Variants in MTERF2 observed in about 807,000 individuals in gnomAD.
MTERF2 encodes the protein transcription termination factor 2, mitochondrial.
Under a neutral mutation model 29.2 loss-of-function variants are expected in MTERF2, and 23 were observed. The ratio of observed to expected loss-of-function variants is 0.79; its 90% confidence interval spans 0.57 to 1.12. The LOEUF is 1.12. Ranked by LOEUF, MTERF2 falls within the 50% of genes most tolerant of loss-of-function variation. The probability of loss-of-function intolerance (pLI) is 0.00; values close to 1 mark genes in which losing one functional copy is unlikely to be tolerated. For missense variants in MTERF2, 440 were observed against 429.4 expected, an observed-to-expected ratio of 1.02 and a Z score of -0.22; for synonymous variants, 157 against 159.5, an observed-to-expected ratio of 0.98 and a Z score of 0.12.
chr12:106,978,082 T>G lies in MTERF2; in HGVS notation c.633A>C (p.Lys211Asn). The G allele has an allele frequency of 6.8e-6, 11 of 1,613,970 alleles. No individual in the cohort carries two copies. The highest frequency in any genetic ancestry group is 9.3e-6 in the Non-Finnish European group (11 of 1,179,978). ...SEANMKVWLL[K>N]LLSQNPFILL... ...AAATAAATGGGTTTTGGCTTAACAA[T>G]TTTAGTAGCCAAACTTTCATGTTGG... Residue 211 changes from lysine (K) to asparagine (N), a missense_variant, in exon 3 of 3, where the codon AAA (lysine) becomes AAC (asparagine). Coordinates refer to ENST00000240050, the MANE Select transcript of MTERF2 (RefSeq NM_001033050.3).
In MTERF2 at chr12:106,978,749, G is replaced by A. The variant is rs1265239556; in HGVS notation, c.-35C>T. 1 of 1,556,786 alleles carries A rather than the reference G, an allele frequency of 6.4e-7. No homozygotes were observed. Among genetic ancestry groups the A allele is most frequent in the South Asian group, 1.2e-5 (1 of 83,306 alleles). ...CTACTAGCTAGTTTCCACCGTCCTG[G>A]GACTTAAATGGACTCATTCTATCTG... On this transcript the variant is annotated 5_prime_UTR_variant, in exon 3 of 3. Coordinates refer to ENST00000240050, the MANE Select transcript of MTERF2 (RefSeq NM_001033050.3).
chr12:106,983,997 A>G (rs1952081527), intron 2 of MTERF2, among the ~76,000 whole-genome samples: 1 of 152,016 alleles, frequency 6.6e-6, no homozygotes, highest in Admixed American at 6.6e-5. Flanking sequence ...TTCACTCACA[A>G]CCAGTGCCCT....
At position 106,982,019 on chromosome 12, in the gene MTERF2, T is replaced by C. The variant is rs184859762; in HGVS notation, c.-58+3096A>G. ...TGACCTGAACACATCACAGTTCAGC[T>C]TGGAGTAAGCAGGAAATGCAGACAG... On this transcript the variant is annotated intron_variant, in intron 2 of 2. Coordinates refer to ENST00000240050, the MANE Select transcript of MTERF2 (RefSeq NM_001033050.3). Among the ~76,000 whole-genome samples the C allele has an allele frequency of 1.9e-4, 29 of 152,324 alleles. No homozygotes were observed. The East Asian group carries it at 4.2e-3, about 22-fold the overall frequency.
rs139694986 is a variant in MTERF2, at chr12:106,978,645, G to C, written c.70C>G (p.Pro24Ala). Residue 24 changes from proline to alanine, a missense_variant, in exon 3 of 3, where the codon CCA becomes GCA. Coordinates refer to ENST00000240050, the MANE Select transcript of MTERF2 (RefSeq NM_001033050.3). ...LCSFRKMRSP[P>A]KYRPFLACFT... ...CATGCTAAGAAAGGTCTGTATTTTG[G>C]AGGTGATCGCATCTTTCTGAAAGAA... is the stretch of plus-strand genomic sequence containing the variant. The C allele has an allele frequency of 9.0e-5, 145 of 1,614,146 alleles. No individual in the cohort carries two copies. In the African/African-American group the frequency reaches 1.8e-3, roughly 20 times the overall value.
rs1304923677 is a variant in MTERF2, at chr12:106,978,683, G to T, written c.32C>A (p.Ser11Tyr). 1 of 1,613,974 alleles carries T rather than the reference G, an allele frequency of 6.2e-7. No individual in the cohort carries two copies. Residue 11 changes from serine to tyrosine, a missense_variant, in exon 3 of 3, where the codon TCC becomes TAC. Physicochemically the swap from Ser to Tyr is moderately radical, Grantham distance 144. Coordinates refer to ENST00000240050, the MANE Select transcript of MTERF2 (RefSeq NM_001033050.3). MLWKLLLRSQ[S>Y]CRLCSFRKMR... The stretch of plus-strand genomic sequence containing the variant: ...CTTTCTGAAAGAACACAGCCTGCAG[G>T]ACTGGGATCTCAGCAGCAGCTTCCA...
At chr12:106,979,589 A>C (rs776657399) in intron 2 of MTERF2, among the ~76,000 whole-genome samples, 3 of 152,158 alleles carry the variant, frequency 2.0e-5, no homozygotes, top group African/African-American at 2.4e-5. Context: ...AACATACAAA[A>C]ATTAGCTGGG....
Position 106,985,104 on chromosome 12 carries a change from C to T in MTERF2, c.-58+11G>A, listed in dbSNP as rs1436702511. The T allele has an allele frequency of 6.6e-6, 1 of 152,272 alleles. No individual in the cohort carries two copies. Among genetic ancestry groups the T allele is most frequent in the Non-Finnish European group, 1.5e-5 (1 of 68,074 alleles). The allele number at this position is 152,272 out of a possible 1,614,324, so 9.4% of individuals were successfully genotyped here. A position where few individuals can be genotyped will look rare whatever the true frequency, so the allele number is the denominator to read the frequency against. ...CTTCAAGGCTTGGTTCTAGACCTCT[C>T]TTCTTCTTACCTTACAGTCTCTCCC... On this transcript the variant is annotated intron_variant, in intron 2 of 2. Coordinates refer to ENST00000240050, the MANE Select transcript of MTERF2 (RefSeq NM_001033050.3).
At chr12:106,981,147 T>G (rs1316515928) in intron 2 of MTERF2, among the ~76,000 whole-genome samples, 1 of 152,224 alleles carries the variant, frequency 6.6e-6, no homozygotes, top group Non-Finnish European at 1.5e-5. Context: ...AGGCTGCACC[T>G]CTGTACCACA....
chr12:106,984,614 A>G (rs1952089593), intron 2 of MTERF2, among the ~76,000 whole-genome samples: 1 of 152,162 alleles, frequency 6.6e-6, no homozygotes, highest in Non-Finnish European at 1.5e-5. Context: ...TGTGGGAGGA[A>G]CCCAGTGGGA....
At chr12:106,979,805 G>A (rs939493645) in intron 2 of MTERF2, among the ~76,000 whole-genome samples, 10 of 152,084 alleles carry the variant, frequency 6.6e-5, no homozygotes, top group Admixed American at 3.3e-4. Flanking sequence ...GCCTCTATAG[G>A]GGCAGCAAAA....
At position 106,978,287 on chromosome 12, in the gene MTERF2, ATAG is replaced by A; in HGVS notation, c.425_427del (p.Thr142del). On this transcript the variant is annotated inframe_deletion, in exon 3 of 3. Transcript: ENST00000240050. ...CAGCTTCTGGTTCTCTTGGTCTTTA[ATAG>A]TAAAGAAAGATTCTGGAAACTGCTC... The A allele has an allele frequency of 6.2e-7, 1 of 1,614,110 alleles. No homozygotes were observed. The highest frequency in any genetic ancestry group is 8.5e-7 in the Non-Finnish European group (1 of 1,180,018).
At chr12:106,986,706 A>G (rs1952121996) in intron 1 of MTERF2, 2 of 152,248 alleles carry the variant, frequency 1.3e-5, no homozygotes, top group South Asian at 4.1e-4. Flanking sequence ...ACTGGTTTCA[A>G]TAAAGTTCTT....
In MTERF2 at chr12:106,977,814, C is replaced by T; in HGVS notation, c.901G>A (p.Glu301Lys). The stretch of plus-strand genomic sequence containing the variant: ...TCTCTCAATAATCCTTGCATTCTCT[C>T]TTCTAAAACTGGAACAGAATAATAT... ...LLYYSVPVLEERMQGLLREGI... is the reference protein window; with the variant it reads ...LLYYSVPVLEKRMQGLLREGI... The change falls in exon 3 of 3, where the codon GAG (glutamate) becomes AAG (lysine). Residue 301 changes from glutamate to lysine, a missense_variant. Glu to Lys is a moderately conservative substitution (Grantham distance 56). Coordinates refer to ENST00000240050, the MANE Select transcript of MTERF2 (RefSeq NM_001033050.3). 1 of 1,613,928 alleles carries T rather than the reference C, an allele frequency of 6.2e-7. No individual in the cohort carries two copies. The highest frequency in any genetic ancestry group is 8.5e-7 in the Non-Finnish European group (1 of 1,179,996).
rs1951997874 is a variant in MTERF2, at chr12:106,977,630, T to G, written c.1085A>C (p.Asn362Thr). 1.2e-6 allele frequency: 2 copies of G among 1,613,856 alleles called. No homozygotes were observed. Among genetic ancestry groups the G allele is most frequent in the Non-Finnish European group, 1.7e-6 (2 of 1,179,910 alleles). Residue 362 changes from asparagine to threonine, a missense_variant, in exon 3 of 3, where the codon AAT becomes ACT. Transcript: ENST00000240050. ...LNGSKKEFEA[N>T]FGKIQAKKVR... ...TTTTTTGGCCTGAATTTTGCCAAAA[T>G]TAGCTTCAAACTCTTTTTTTGATCC...
chr12:106,987,037 CCGG>C lies in MTERF2; in HGVS notation c.-240_-238del, dbSNP rs1344584507. 1.3e-5 allele frequency: 2 copies of C among 152,604 alleles called. No homozygotes were observed. Among genetic ancestry groups the C allele is most frequent in the Non-Finnish European group, 2.9e-5 (2 of 68,356 alleles). 9.5% of individuals were successfully genotyped at this position (152,604 alleles called of 1,614,324 possible). A position where few individuals can be genotyped will look rare whatever the true frequency, so the allele number is the denominator to read the frequency against. On this transcript the variant is annotated 5_prime_UTR_variant, in exon 1 of 3. Coordinates refer to ENST00000240050, the MANE Select transcript of MTERF2 (RefSeq NM_001033050.3). Reference sequence around the variant, plus strand: ...CCAGGCCCCGTCCTTCCCTCTCTCTCCGGCCAGCCTCCCCACAGTCCGCAGTCC... The same window carrying C: ...CCAGGCCCCGTCCTTCCCTCTCTCTCCCAGCCTCCCCACAGTCCGCAGTCC...
chr12:106,978,715 G>A lies in MTERF2; in HGVS notation c.-1C>T. On this transcript the variant is annotated 5_prime_UTR_variant, in exon 3 of 3. Coordinates refer to ENST00000240050, the MANE Select transcript of MTERF2 (RefSeq NM_001033050.3). ...ATCTCAGCAGCAGCTTCCACAACAT[G>A]GCTGCAATCTACTAGCTAGTTTCCA... 1 of 1,611,318 alleles carries A rather than the reference G, an allele frequency of 6.2e-7. No homozygotes were observed.
chr12:106,977,397 G>T lies in MTERF2; in HGVS notation c.*160C>A. The T allele has an allele frequency of 4.4e-6, 2 of 456,662 alleles. No individual in the cohort carries two copies. The highest frequency in any genetic ancestry group is 3.5e-5 in the East Asian group (1 of 28,364). The allele number at this position is 456,662 out of a possible 1,614,324, so 28.3% of individuals were successfully genotyped here. Reference sequence around the variant, plus strand: ...AATATGATTTATATTTTATAATATGGCACATGAGTCAGAATTTATCTATTT... The same window carrying T: ...AATATGATTTATATTTTATAATATGTCACATGAGTCAGAATTTATCTATTT... On this transcript the variant is annotated 3_prime_UTR_variant, in exon 3 of 3. Coordinates refer to ENST00000240050, the MANE Select transcript of MTERF2 (RefSeq NM_001033050.3).
In MTERF2 at chr12:106,977,857, C is replaced by A. The variant is rs1227468324; in HGVS notation, c.858G>T (p.Leu286Phe). ...AATAATATAAAAGGGCAGGACATTT[C>A]AAAACTAATTGCTTCAGGTCATGAT... is the stretch of plus-strand genomic sequence containing the variant. Reference protein sequence around the residue: ...CTDHDLKQLVLKCPALLYYSV... With the variant: ...CTDHDLKQLVFKCPALLYYSV... The change falls in exon 3 of 3, where the codon TTG becomes TTT. Residue 286 changes from leucine (L) to phenylalanine (F), a missense_variant. Physicochemically the swap from Leu to Phe is conservative, Grantham distance 22 (BLOSUM62 0). Transcript: ENST00000240050. 6.2e-7 allele frequency: 1 copy of A among 1,613,844 alleles called. No homozygotes were observed. The highest frequency in any genetic ancestry group is 1.7e-5 in the Admixed American group (1 of 60,014).
At chr12:106,983,161 T>C (rs1388762674) in intron 2 of MTERF2, among the ~76,000 whole-genome samples, 2 of 152,206 alleles carry the variant, frequency 1.3e-5, no homozygotes, top group Admixed American at 1.3e-4. Context: ...TTTTTAATTG[T>C]AGTAAGATAT....
Sources: allele counts gnomAD v4.1 joint callset (sites outside exome capture counted in the v4.1 genomes callset), GRCh38; gene constraint gnomAD v4.1.1; transcripts MANE v1.5; gene names NCBI Gene and HGNC (gene_info 2026-07-23, HGNC 2026-07-21).